IMPA2: variants seen among roughly 807,000 people sequenced by gnomAD.
The protein encoded by IMPA2 is inositol monophosphatase 2, also known as IMP 2.
In IMPA2, 32 loss-of-function variants were observed where a neutral mutation model predicts 35.1. That is an observed-to-expected ratio of 0.91 (90% CI 0.69 to 1.23). The LOEUF is 1.23. Among genes scored for constraint, IMPA2 ranks in the 50% most tolerant of loss-of-function variants. The pLI is 0.00. For synonymous variants in IMPA2, 135 were observed against 160.6 expected, an observed-to-expected ratio of 0.84 and a Z score of 1.20; for missense variants, 334 against 387.6, an observed-to-expected ratio of 0.86 and a Z score of 1.16.
chr18:11,993,589 C>T (rs1339859225), intron 1 of IMPA2, among the ~76,000 whole-genome samples: 1 of 152,164 alleles, frequency 6.6e-6, no homozygotes, highest in Non-Finnish European at 1.5e-5. Context: ...GAGTGCATGG[C>T]CCAGTGGAGG....
intron 5 of IMPA2, among the ~76,000 whole-genome samples, chr18:12,027,030 G>A (rs898706974): frequency 1.3e-5 from 2 of 152,204 alleles, no homozygotes; most frequent in Admixed American, 6.5e-5. Context: ...CTGGGTGAGC[G>A]GAGAATTTGA....
In IMPA2 at chr18:11,981,721, G is replaced by T. The variant is rs1457444822; in HGVS notation, c.52G>T (p.Glu18Ter). ...GGCGCTGGCGGCCGGCCCCTGGGAG[G>T]AGTGCTTCCAGGCGGCCGTGCAGCT... is the stretch of plus-strand genomic sequence containing the variant. Reference protein sequence around the residue: ...QAALAAGPWEECFQAAVQLAL... With the variant: ...QAALAAGPWE Residue 18 changes from glutamate (E) to a stop codon, truncating the protein, a stop_gained, in exon 1 of 8, where the codon GAG (glutamate) becomes TAG (stop). Transcript: ENST00000269159. LOFTEE classifies it high-confidence loss of function. 5 of 1,229,994 alleles carry T rather than the reference G, an allele frequency of 4.1e-6. No homozygotes were observed. The African/African-American group carries it at 7.8e-5, about 19-fold the overall frequency. 76.2% of individuals were successfully genotyped at this position (1,229,994 alleles called of 1,614,324 possible). A position where few individuals can be genotyped will look rare whatever the true frequency, so the allele number is the denominator to read the frequency against.
At chr18:11,992,197 A>G (rs1906834735) in intron 1 of IMPA2, among the ~76,000 whole-genome samples, 1 of 152,254 alleles carries the variant, frequency 6.6e-6, no homozygotes, top group Non-Finnish European at 1.5e-5. Flanking sequence ...AAGTTGACAC[A>G]TAAAATTAAC....
At chr18:12,002,833 C>T (rs933673609) in intron 2 of IMPA2, among the ~76,000 whole-genome samples, 4 of 151,362 alleles carry the variant, frequency 2.6e-5, no homozygotes, top group African/African-American at 9.7e-5. Context: ...TAAATTGATG[C>T]AGCCGCTATG....
intron 5 of IMPA2, among the ~76,000 whole-genome samples, chr18:12,026,400 A>G (rs1025596321): frequency 4.6e-5 from 7 of 152,234 alleles, no homozygotes; most frequent in African/African-American, 1.7e-4. Flanking sequence ...AGTATTGTAT[A>G]TAGTATTTAG....
At chr18:11,987,821 C>T (rs1278193435) in intron 1 of IMPA2, among the ~76,000 whole-genome samples, 1 of 152,106 alleles carries the variant, frequency 6.6e-6, no homozygotes, top group East Asian at 1.9e-4. Context: ...AGAGGATGTA[C>T]CAAGTTACAC....
intron 7 of IMPA2, among the ~76,000 whole-genome samples, chr18:12,029,357 G>A (rs1044119204): frequency 1.6e-4 from 24 of 151,394 alleles, no homozygotes; most frequent in African/African-American, 3.9e-4. Flanking sequence ...CTCGTGATCC[G>A]CCTGCCTCGG....
chr18:12,002,897 C>CA (rs1433295874), intron 2 of IMPA2, among the ~76,000 whole-genome samples: 1 of 150,464 alleles, frequency 6.6e-6, no homozygotes, highest in Non-Finnish European at 1.5e-5. Context: ...TGCCTCAAAA[C>CA]AAAAAAATAA....
intron 5 of IMPA2, among the ~76,000 whole-genome samples, chr18:12,026,800 A>G (rs1907892570): frequency 1.3e-5 from 2 of 152,200 alleles, no homozygotes; most frequent in Admixed American, 6.5e-5. Flanking sequence ...CTCAGGTGGT[A>G]TCTGTGGAGG....
chr18:11,988,492 C>T (rs1193129228), intron 1 of IMPA2, among the ~76,000 whole-genome samples: 1 of 152,066 alleles, frequency 6.6e-6, no homozygotes, highest in Non-Finnish European at 1.5e-5. Context: ...ATATAGGGGA[C>T]CACCCTGGCT....
chr18:12,027,160 G>A (rs752857096), intron 5 of IMPA2, among the ~76,000 whole-genome samples: 7 of 152,138 alleles, frequency 4.6e-5, no homozygotes, highest in Admixed American at 6.5e-5. Flanking sequence ...TGTCCTGCCC[G>A]GGCAGTGAGG....
At chr18:12,015,547 G>C (rs1319100720) in intron 5 of IMPA2, among the ~76,000 whole-genome samples, 1 of 152,190 alleles carries the variant, frequency 6.6e-6, no homozygotes, top group Non-Finnish European at 1.5e-5. Context: ...GACACGAAGG[G>C]CAAGATTGTG....
At chr18:11,993,978 T>G (rs1173898514) in intron 1 of IMPA2, 1 of 152,226 alleles carries the variant, frequency 6.6e-6, no homozygotes, top group African/African-American at 2.4e-5. Flanking sequence ...GGTACAGGCA[T>G]GTTCGAGCCC....
At chr18:11,997,476 A>G (rs900420899) in intron 1 of IMPA2, among the ~76,000 whole-genome samples, 1 of 147,266 alleles carries the variant, frequency 6.8e-6, no homozygotes, top group South Asian at 2.4e-4. Flanking sequence ...TTTCTATAAC[A>G]TATATCTGTT....
intron 1 of IMPA2, among the ~76,000 whole-genome samples, chr18:11,992,200 A>AAATTAACCATCACAACACATTCACTTG (rs1195435690): frequency 3.3e-5 from 5 of 152,222 alleles, no homozygotes; most frequent in Non-Finnish European, 5.9e-5. Flanking sequence ...TTGACACATA[A>AAATTAACCATCACAACACATTCACTTG]AATTAACCAT....
intron 2 of IMPA2, among the ~76,000 whole-genome samples, chr18:12,002,689 C>T (rs895364067): frequency 1.3e-5 from 2 of 150,440 alleles, no homozygotes; most frequent in African/African-American, 4.9e-5. Context: ...GTGAGAGGCT[C>T]GCTTGAGTCC....
Position 12,009,908 on chromosome 18 carries a change from T to G in IMPA2, c.256T>G (p.Ser86Ala), listed in dbSNP as rs757684843. The change falls in exon 3 of 8, where the codon TCT becomes GCT. Residue 86 changes from serine to alanine, a missense_variant. Ser to Ala is a moderately conservative substitution (Grantham distance 99). Transcript: ENST00000269159. The stretch of plus-strand genomic sequence containing the variant: ...GTTCATTGCAGAAGAGGCCGCGGCT[T>G]CTGGGGCCAAGTGTGTGCTCACCCA... ...HRFIAEEAAA[S>A]GAKCVLTHSP... The G allele has an allele frequency of 6.2e-6, 10 of 1,614,032 alleles. No homozygotes were observed. The Admixed American group carries it at 1.7e-4, about 27-fold the overall frequency.
chr18:11,984,065 T>C (rs1906584770), intron 1 of IMPA2, among the ~76,000 whole-genome samples: 1 of 152,130 alleles, frequency 6.6e-6, no homozygotes, highest in Non-Finnish European at 1.5e-5. Flanking sequence ...GTCTGTGTTC[T>C]AGATGCGGAA....
At chr18:12,026,357 T>G (rs1274824525) in intron 5 of IMPA2, among the ~76,000 whole-genome samples, 1 of 152,228 alleles carries the variant, frequency 6.6e-6, no homozygotes, top group African/African-American at 2.4e-5. Context: ...AACTAAAATA[T>G]TCGTAATTCA....
Sources: gnomAD v4.1 joint callset for allele counts (sites outside exome capture counted in the v4.1 genomes callset) on GRCh38, gnomAD v4.1.1 for gene constraint, MANE v1.5 for transcripts, NCBI Gene and HGNC (gene_info 2026-07-23, HGNC 2026-07-21) for gene names.